The following TENM3 variants were observed in gnomAD, a reference collection of about 807,000 sequenced individuals.
TENM3 encodes the protein teneurin-3.
A neutral mutation model predicts 255.1 loss-of-function variants in TENM3; 63 were observed. The ratio of observed to expected loss-of-function variants is 0.25; its 90% CI spans 0.20 to 0.30. TENM3 has a LOEUF of 0.30. Ranked by LOEUF, TENM3 falls within the 10% of genes least tolerant of loss-of-function variation. TENM3 has a pLI of 1.00. For missense variants in TENM3, 2,929 were observed against 3,461.1 expected (o/e 0.85, Z 3.86); for synonymous variants, 1,306 against 1,322.3 (o/e 0.99, Z 0.27).
At chr4:182,719,241 C>CTTTTT in intron 13 of TENM3, among the ~76,000 whole-genome samples, 1 of 83,310 alleles carries the variant, frequency 1.2e-5, no homozygotes, top group Non-Finnish European at 2.5e-5. Context: ...AAATAGAGTT[C>CTTTTT]TTTTTTTTTT....
chr4:182,735,167 T>A (rs1761066993), intron 16 of TENM3, among the ~76,000 whole-genome samples: 1 of 152,198 alleles, frequency 6.6e-6, no homozygotes, highest in Non-Finnish European at 1.5e-5. Flanking sequence ...AAAGTTTCTA[T>A]ATGTTTGTAA....
chr4:181,549,943 TC>T, the TENM3 span, among the ~76,000 whole-genome samples: 1 of 152,162 alleles, frequency 6.6e-6, no homozygotes, highest in Non-Finnish European at 1.5e-5. Flanking sequence ...AGTTTTTTTT[TC>T]TTTTAACAAC....
chr4:181,604,971 G>A, the TENM3 span, among the ~76,000 whole-genome samples: 5 of 152,246 alleles, frequency 3.3e-5, no homozygotes, highest in East Asian at 1.9e-4. Context: ...GTGTTATTGC[G>A]CAAAGTGTTT....
chr4:181,641,698 A>T, the TENM3 span, among the ~76,000 whole-genome samples: 2 of 63,824 alleles, frequency 3.1e-5, no homozygotes, highest in East Asian at 4.3e-4. Flanking sequence ...TATAATGTAT[A>T]ATATATATAT....
chr4:182,076,213 CTTT>C, the TENM3 span, among the ~76,000 whole-genome samples: 32,448 of 124,066 alleles, frequency 0.26, 3,972 homozygotes, highest in Admixed American at 0.3. Flanking sequence ...TCTTCTTCTT[CTTT>C]TTTTTTTTTT....
chr4:181,558,344 C>T, the TENM3 span, among the ~76,000 whole-genome samples: 1 of 152,150 alleles, frequency 6.6e-6, no homozygotes, highest in East Asian at 1.9e-4. Flanking sequence ...CTGAGTTCAA[C>T]AATAAATTCC....
the TENM3 span, among the ~76,000 whole-genome samples, chr4:181,794,804 C>T: frequency 6.6e-6 from 1 of 152,008 alleles, no homozygotes; most frequent in Non-Finnish European, 1.5e-5. Context: ...GAAAATCACA[C>T]TTAGGATTCA....
intron 20 of TENM3, 25 bp downstream of exon 20, chr4:182,752,057 A>T: frequency 3.0e-5 from 35 of 1,155,402 alleles, no homozygotes; most frequent in Non-Finnish European, 3.9e-5. Flanking sequence ...CGATTTGAGG[A>T]TTTCTTTTTA....
chr4:182,049,258 A>G, the TENM3 span, among the ~76,000 whole-genome samples: 1 of 152,212 alleles, frequency 6.6e-6, no homozygotes, highest in Admixed American at 6.5e-5. Flanking sequence ...AGATTTATAT[A>G]AAGTGCAATA....
chr4:181,898,350 G>A, the TENM3 span, among the ~76,000 whole-genome samples: 1 of 152,056 alleles, frequency 6.6e-6, no homozygotes, highest in South Asian at 2.1e-4. Context: ...TATTCTAGGT[G>A]TTTTTACTGT....
intron 1 of TENM3, among the ~76,000 whole-genome samples, chr4:182,307,342 A>G (rs1189766593): frequency 3.3e-5 from 5 of 152,164 alleles, no homozygotes. Context: ...TTGGCCCCCT[A>G]CTGGTAGTTA....
intron 6 of TENM3, among the ~76,000 whole-genome samples, chr4:182,666,699 C>T (rs866298494): frequency 6.6e-5 from 10 of 152,180 alleles, no homozygotes; most frequent in African/African-American, 2.4e-4. Context: ...GAGTTTTAGA[C>T]CAGCCTAGAC....
At chr4:181,898,296 T>C in the TENM3 span, among the ~76,000 whole-genome samples, 2 of 152,160 alleles carry the variant, frequency 1.3e-5, no homozygotes, top group Non-Finnish European at 2.9e-5. Context: ...CTTTGTGATA[T>C]TTCTGTCAAC....
Position 182,792,962 on chromosome 4 carries a change from C to T in TENM3, c.6290C>T (p.Ser2097Leu), listed in dbSNP as rs1388633069. The T allele has an allele frequency of 3.7e-6, 6 of 1,613,818 alleles. No homozygotes were observed. Among genetic ancestry groups the T allele is most frequent in the African/African-American group, 1.3e-5 (1 of 75,024 alleles). The change falls in exon 26 of 28, where the codon TCG becomes TTG. Residue 2097 changes from serine (S) to leucine (L), a missense_variant. By Grantham distance (145) the Ser-to-Leu change is moderately radical. This residue lies in a region of TENM3 where 256 missense variants were observed against 389.3 expected (regional missense o/e 0.66). Coordinates refer to ENST00000511685, the MANE Select transcript of TENM3 (RefSeq NM_001080477.4). This position sits in a 1 kb window ranked among gnomAD's most constrained non-coding sequence, Gnocchi z 6.3. ...IKEIQYEIFR[S>L]LMYWITIQYD... is the part of the protein sequence containing the mutation. ...GAGATTCAATATGAGATATTCAGGT[C>T]GCTCATGTACTGGATTACAATTCAG...
the TENM3 span, among the ~76,000 whole-genome samples, chr4:181,982,981 T>TAACAGTC: frequency 6.6e-6 from 1 of 152,160 alleles, no homozygotes; most frequent in Non-Finnish European, 1.5e-5. Context: ...GCAGATTTGT[T>TAACAGTC]AACAGTCTTT....
At position 182,753,490 on chromosome 4, in the gene TENM3, T is replaced by C. The variant is rs76950892; in HGVS notation, c.3903T>C (p.Asp1301=). Reference sequence around the variant, plus strand: ...AGAATGGATTAATCTACTTTGTTGATGGAACCATGATTAGGAAAGTTGACC... The same window carrying C: ...AGAATGGATTAATCTACTTTGTTGACGGAACCATGATTAGGAAAGTTGACC... ...VDKNGLIYFV[D]GTMIRKVDQN... Residue 1301 remains aspartate (D), a synonymous_variant, in exon 21 of 28, where the codon GAT becomes GAC. Coordinates refer to ENST00000511685, the MANE Select transcript of TENM3 (RefSeq NM_001080477.4). The C allele has an allele frequency of 3.3e-4, 537 of 1,613,958 alleles. 3 individuals carry two copies. The African/African-American group carries it at 6.3e-3, about 19-fold the overall frequency.
At chr4:182,072,343 G>A in the TENM3 span, among the ~76,000 whole-genome samples, 13 of 152,186 alleles carry the variant, frequency 8.5e-5, no homozygotes, top group Admixed American at 2.6e-4. Context: ...GGTGGACACC[G>A]GCAGTCAGTG....
At chr4:182,302,420 T>C (rs541083632) in intron 1 of TENM3, among the ~76,000 whole-genome samples, 62 of 152,336 alleles carry the variant, frequency 4.1e-4, no homozygotes, top group African/African-American at 1.2e-3. Flanking sequence ...TAGCAAACTT[T>C]TATGAAGCAT....
chr4:181,646,528 C>T, the TENM3 span, among the ~76,000 whole-genome samples: 3 of 152,186 alleles, frequency 2.0e-5, no homozygotes, highest in Admixed American at 1.3e-4. Flanking sequence ...GAGTTTTACT[C>T]AGCCCAAACC....
Sources: gnomAD v4.1 joint callset for allele counts (sites outside exome capture counted in the v4.1 genomes callset) on GRCh38, gnomAD v4.1.1 for gene constraint, gnomAD v4.1.1 regional missense constraint, Gnocchi (gnomAD v3.1) non-coding constraint, MANE v1.5 for transcripts, NCBI Gene and HGNC (gene_info 2026-07-23, HGNC 2026-07-21) for gene names.